CFAP44: variants seen among roughly 807,000 people sequenced by gnomAD.
CFAP44 encodes cilia- and flagella-associated protein 44.
CFAP44 carries 134 observed loss-of-function variants against 216.2 expected under a neutral mutation model. The ratio of observed to expected loss-of-function variants is 0.62; its 90% CI spans 0.54 to 0.72. The LOEUF (loss-of-function observed/expected upper bound fraction) is 0.72, where lower values mean the gene tolerates loss of function less well. CFAP44 is among the 30% of genes least tolerant of loss of function. The probability of loss-of-function intolerance (pLI) is 0.00; values close to 1 mark genes in which losing one functional copy is unlikely to be tolerated. For missense variants in CFAP44, 2,035 were observed against 2,182.1 expected (o/e 0.93, Z 1.34); for synonymous variants, 700 against 727.6 (o/e 0.96, Z 0.61).
chr3:113,388,592 T>C (rs989595918), intron 15 of CFAP44, among the ~76,000 whole-genome samples: 12 of 151,890 alleles, frequency 7.9e-5, no homozygotes, highest in African/African-American at 2.4e-4. Flanking sequence ...ACAAAAGAAA[T>C]GAGATGGCTG....
chr3:113,365,392 C>T (rs1236075691), intron 19 of CFAP44, among the ~76,000 whole-genome samples: 1 of 152,178 alleles, frequency 6.6e-6, no homozygotes, highest in Non-Finnish European at 1.5e-5. Context: ...TAATACAACT[C>T]CTTTCTCCTT....
At chr3:113,294,513 C>T (rs1045462639) in intron 34 of CFAP44, 174 bp downstream of exon 34, 1 of 745,250 alleles carries the variant, frequency 1.3e-6, no homozygotes, top group East Asian at 2.9e-5. Flanking sequence ...GTCCCTCAGG[C>T]CCACTGTAAT....
chr3:113,411,431 G>A lies in CFAP44; in HGVS notation c.674-2109C>T, dbSNP rs1278386722. ...CTTTCCCCATTTCTTGTTTTTGTCA[G>A]GTTTGTCAAAGATCAGATGGTTGTA... is the stretch of plus-strand genomic sequence containing the variant. On this transcript the variant is annotated intron_variant, in intron 6 of 34. Transcript: ENST00000393845. 2.6e-5 allele frequency among the ~76,000 whole-genome samples: 4 copies of A among 152,102 alleles called. No individual in the cohort carries two copies. The East Asian group carries it at 7.7e-4, about 29-fold the overall frequency.
chr3:113,409,352 A>ATTTATT, intron 6 of CFAP44, 30 bp from the exon 7 acceptor site: 1 of 1,575,724 alleles, frequency 6.3e-7, no homozygotes, highest in Non-Finnish European at 8.7e-7. Flanking sequence ...CCTAATAAAT[A>ATTTATT]AGGACACATT....
rs1321706560 is a variant in CFAP44 at position 113,290,539 on chromosome 3, C to G, written c.*1018G>C. On this transcript the variant is annotated 3_prime_UTR_variant, in exon 35 of 35. Coordinates refer to ENST00000393845, the MANE Select transcript of CFAP44 (RefSeq NM_001164496.2). ...AGCTCGTTAATACAGAGCTCTTAAT[C>G]TAAAGAGCTATGCTCTGTTACTAAC... The G allele has an allele frequency of 1.3e-5, 2 of 152,194 alleles. No individual in the cohort carries two copies. Among genetic ancestry groups the G allele is most frequent in the Admixed American group, 1.3e-4 (2 of 15,276 alleles). The allele number at this position is 152,194 out of a possible 1,614,324, so 9.4% of individuals were successfully genotyped here.
At chr3:113,409,008 A>C in intron 7 of CFAP44, 98 bp downstream of exon 7, 1 of 181,148 alleles carries the variant, frequency 5.5e-6, no homozygotes, top group Non-Finnish European at 8.7e-6. Flanking sequence ...CAAAACAGCA[A>C]AAAAAAAAAA....
At chr3:113,299,894 G>A (rs1949917707) in intron 32 of CFAP44, among the ~76,000 whole-genome samples, 1 of 152,156 alleles carries the variant, frequency 6.6e-6, no homozygotes, top group African/African-American at 2.4e-5. Context: ...ACCCAGGCAT[G>A]GTGGTGTATG....
intron 21 of CFAP44, chr3:113,360,193 T>G (rs1294509121): frequency 6.5e-6 from 1 of 152,894 alleles, no homozygotes; most frequent in East Asian, 1.9e-4. Context: ...GTTTATTTGC[T>G]GCAAACATAC....
intron 6 of CFAP44, among the ~76,000 whole-genome samples, chr3:113,411,779 G>A (rs1163071763): frequency 6.6e-6 from 1 of 152,182 alleles, no homozygotes; most frequent in African/African-American, 2.4e-5. Context: ...CATGAGCATG[G>A]AATGTTCTTC....
intron 32 of CFAP44, among the ~76,000 whole-genome samples, chr3:113,298,056 G>A (rs987957488): frequency 6.6e-6 from 1 of 152,230 alleles, no homozygotes; most frequent in African/African-American, 2.4e-5. Context: ...TGATGTGCAC[G>A]TGTGTGCTGG....
intron 15 of CFAP44, among the ~76,000 whole-genome samples, chr3:113,384,867 G>T (rs1933605339): frequency 6.6e-6 from 1 of 152,188 alleles, no homozygotes; most frequent in African/African-American, 2.4e-5. Flanking sequence ...AGGGAGTCAA[G>T]AAGTTCAGAG....
intron 15 of CFAP44, among the ~76,000 whole-genome samples, chr3:113,387,467 G>C (rs1298269416): frequency 2.0e-5 from 3 of 152,152 alleles, no homozygotes; most frequent in Non-Finnish European, 4.4e-5. Context: ...CCCTTGAAGA[G>C]AAGGACTCAA....
At chr3:113,346,883 T>C (rs1330745114) in intron 22 of CFAP44, among the ~76,000 whole-genome samples, 1 of 152,162 alleles carries the variant, frequency 6.6e-6, no homozygotes, top group Non-Finnish European at 1.5e-5. Flanking sequence ...CTCTTCACAA[T>C]AAATCTTGCT....
intron 7 of CFAP44, among the ~76,000 whole-genome samples, chr3:113,407,254 A>G (rs767825520): frequency 3.3e-5 from 5 of 152,180 alleles, no homozygotes; most frequent in Non-Finnish European, 7.4e-5. Flanking sequence ...GAAAAATAAA[A>G]TTTCCTGCTT....
At chr3:113,362,890 C>A in intron 21 of CFAP44, 1 of 1,215,260 alleles carries the variant, frequency 8.2e-7, no homozygotes, top group Admixed American at 4.3e-5. Flanking sequence ...ATTTCTTCCC[C>A]ATGTATTCCT....
chr3:113,373,613 C>T, intron 17 of CFAP44, 57 bp from the exon 18 acceptor site: 1 of 1,346,912 alleles, frequency 7.4e-7, no homozygotes, highest in Non-Finnish European at 9.7e-7. Flanking sequence ...CACATAAATG[C>T]ATGAGAATTT....
At position 113,326,473 on chromosome 3, in the gene CFAP44, T is replaced by C. The variant is rs929930805; in HGVS notation, c.4488A>G (p.Val1496=). The part of the protein sequence containing the change: ...MKVLKKKIKR[V]KKKEVEGDAD... ...CATCTCCTTCAACTTCTTTTTTCTT[T>C]ACCCGTTTAATCTTCTTCTTTAGGA... Residue 1496 remains valine, a synonymous_variant, in exon 28 of 35, where the codon GTA becomes GTG. Coordinates refer to ENST00000393845, the MANE Select transcript of CFAP44 (RefSeq NM_001164496.2). 96 of 1,507,352 alleles carry C rather than the reference T, an allele frequency of 6.4e-5. No homozygotes were observed. Among genetic ancestry groups the C allele is most frequent in the Non-Finnish European group, 8.3e-5 (94 of 1,137,780 alleles). The allele number at this position is 1,507,352 out of a possible 1,614,324, so 93.4% of individuals were successfully genotyped here.
intron 22 of CFAP44, among the ~76,000 whole-genome samples, chr3:113,348,957 G>A (rs561750519): frequency 6.6e-6 from 1 of 152,156 alleles, no homozygotes; most frequent in African/African-American, 2.4e-5. Flanking sequence ...GGAGATACCT[G>A]GTATCTTAGT....
At chr3:113,402,669 T>C (rs1037749437) in intron 9 of CFAP44, among the ~76,000 whole-genome samples, 3 of 152,106 alleles carry the variant, frequency 2.0e-5, no homozygotes, top group Non-Finnish European at 4.4e-5. Context: ...CCCTGGGAGT[T>C]GGGCTAGGTT....
Sources: gnomAD v4.1 joint callset for allele counts (sites outside exome capture counted in the v4.1 genomes callset) on GRCh38, gnomAD v4.1.1 for gene constraint, MANE v1.5 for transcripts, NCBI Gene and HGNC (gene_info 2026-07-23, HGNC 2026-07-21) for gene names.